Variants in ARID4B observed in about 807,000 individuals in gnomAD.
ARID4B encodes the protein AT-rich interaction domain 4B, also known as AT-rich interactive domain-containing protein 4B.
ARID4B carries 26 observed loss-of-function variants against 147.5 expected under a neutral mutation model. The observed-to-expected ratio is 0.18, with a 90% confidence interval of 0.13 to 0.24. ARID4B has a LOEUF of 0.24. Ranked by LOEUF, ARID4B falls within the 10% of genes least tolerant of loss-of-function variation. The pLI is 1.00. For missense variants in ARID4B, 1,179 were observed against 1,511.5 expected, an observed-to-expected ratio of 0.78 and a Z score of 3.65; for synonymous variants, 512 against 507.9, an observed-to-expected ratio of 1.01 and a Z score of -0.11.
intron 2 of ARID4B, among the ~76,000 whole-genome samples, chr1:235,313,008 T>C (rs1244062359): frequency 1.3e-5 from 2 of 152,074 alleles, no homozygotes; most frequent in Non-Finnish European, 2.9e-5. Context: ...AAAGGGTTCT[T>C]TGATGAGGTA....
intron 6 of ARID4B, among the ~76,000 whole-genome samples, chr1:235,248,364 T>A (rs1184878864): frequency 1.3e-5 from 2 of 152,182 alleles, no homozygotes; most frequent in African/African-American, 4.8e-5. Context: ...AATCTAGACG[T>A]TGCCTGTCAT....
At chr1:235,249,241 G>A (rs1046129490) in intron 6 of ARID4B, among the ~76,000 whole-genome samples, 9 of 152,114 alleles carry the variant, frequency 5.9e-5, no homozygotes, top group Non-Finnish European at 1.0e-4. Flanking sequence ...GCTGAGGCAC[G>A]AGAATCGCTT....
At position 235,167,030 on chromosome 1, in the gene ARID4B, C is replaced by T. The variant is rs936426814; in HGVS notation, c.*1495G>A. On this transcript the variant is annotated 3_prime_UTR_variant, in exon 24 of 24. Coordinates refer to ENST00000264183, the MANE Select transcript of ARID4B (RefSeq NM_016374.6). ...TTATTCTATAAGCTTTTTTCTTCAA[C>T]ATTTTGCTGTCAACAAATCTTTACA... 3 of 182,610 alleles carry T rather than the reference C, an allele frequency of 1.6e-5. No homozygotes were observed. Among genetic ancestry groups the T allele is most frequent in the African/African-American group, 7.0e-5 (3 of 42,608 alleles). 11.3% of individuals were successfully genotyped at this position (182,610 alleles called of 1,614,324 possible).
chr1:235,277,000 GAAAAAAAA>G lies in ARID4B; in HGVS notation c.7-16256_7-16249del, dbSNP rs751564359. Among the ~76,000 whole-genome samples the G allele has an allele frequency of 1.8e-4, 18 of 99,532 alleles. No homozygotes were observed. The South Asian group carries it at 4.8e-3, about 27-fold the overall frequency. 65.3% of individuals were successfully genotyped at this position (99,532 alleles called of 152,430 possible). Reference sequence around the variant, plus strand: ...GGTGATGGAGCAAAACACCATCTCCGAAAAAAAAAAAAAAAAGATATGTTCTGGCAATA... The same window carrying G: ...GGTGATGGAGCAAAACACCATCTCCGAAAAAAAAGATATGTTCTGGCAATA... On this transcript the variant is annotated intron_variant, in intron 2 of 23. Coordinates refer to ENST00000264183, the MANE Select transcript of ARID4B (RefSeq NM_016374.6).
At position 235,182,327 on chromosome 1, in the gene ARID4B, T is replaced by G; in HGVS notation, c.2592A>C (p.Glu864Asp). ...MENSSNSSSD[E>D]DEEETKAKMT... is the part of the protein sequence containing the mutation. ...TCTTTGCTTTTGTTTCTTCTTCATC[T>G]TCATCTGAAGAGCTGTTGCTACTGT... The change falls in exon 20 of 24, where the codon GAA (glutamate) becomes GAC (aspartate). Residue 864 changes from glutamate (E) to aspartate (D), a missense_variant. Transcript: ENST00000264183. The G allele has an allele frequency of 1.2e-6, 2 of 1,614,024 alleles. No individual in the cohort carries two copies. Among genetic ancestry groups the G allele is most frequent in the East Asian group, 4.5e-5 (2 of 44,886 alleles).
chr1:235,239,930 A>T (rs2103070704), intron 8 of ARID4B, among the ~76,000 whole-genome samples: 1 of 152,312 alleles, frequency 6.6e-6, no homozygotes, highest in African/African-American at 2.4e-5. Context: ...AAGATCAAGG[A>T]TGGAAACACC....
At chr1:235,268,763 G>A (rs746188741) in intron 2 of ARID4B, among the ~76,000 whole-genome samples, 9 of 152,050 alleles carry the variant, frequency 5.9e-5, no homozygotes, top group Non-Finnish European at 8.8e-5. Flanking sequence ...TGATCCACCC[G>A]CCTCGGCCCA....
chr1:235,181,256 T>G, intron 20 of ARID4B: 6 of 610,668 alleles, frequency 9.8e-6, no homozygotes, highest in Middle Eastern at 6.1e-4. Flanking sequence ...AGAAATAGAT[T>G]TAAGCTGCTC....
intron 2 of ARID4B, among the ~76,000 whole-genome samples, chr1:235,278,253 C>T: frequency 6.6e-6 from 1 of 152,214 alleles, no homozygotes; most frequent in East Asian, 1.9e-4. Context: ...TACTAGGTTA[C>T]TTATCTACCT....
intron 2 of ARID4B, among the ~76,000 whole-genome samples, chr1:235,299,041 C>G (rs948975888): frequency 6.6e-6 from 1 of 152,102 alleles, no homozygotes; most frequent in African/African-American, 2.4e-5. Context: ...ATGGCTTGAA[C>G]CCAGGAGTTC....
chr1:235,175,164 C>G lies in ARID4B; in HGVS notation c.3664+20G>C. 6.3e-7 allele frequency: 1 copy of G among 1,595,332 alleles called. No individual in the cohort carries two copies. The highest frequency in any genetic ancestry group is 8.6e-7 in the Non-Finnish European group (1 of 1,163,418). On this transcript the variant is annotated intron_variant, in intron 22 of 23. Transcript: ENST00000264183. ...ACTAGGATGAAGTTTGTATGCTTGT[C>G]AATTTAACATGTCACTTACACATCT...
At chr1:235,194,961 T>A (rs1017407313) in intron 18 of ARID4B, among the ~76,000 whole-genome samples, 4 of 152,232 alleles carry the variant, frequency 2.6e-5, no homozygotes, top group Non-Finnish European at 4.4e-5. Context: ...TATATTAATG[T>A]TTTGAGAAAA....
intron 3 of ARID4B, among the ~76,000 whole-genome samples, chr1:235,258,423 T>C (rs572699425): frequency 1.3e-5 from 2 of 152,316 alleles, no homozygotes; most frequent in South Asian, 2.1e-4. Context: ...TATTTAAATG[T>C]AGGCAGTCTA....
chr1:235,194,558 C>A (rs546795335), intron 18 of ARID4B, among the ~76,000 whole-genome samples: 31 of 152,306 alleles, frequency 2.0e-4, no homozygotes, highest in African/African-American at 7.5e-4. Context: ...AGGTGGCTCA[C>A]ACCTGTAATC....
In ARID4B at chr1:235,166,946, G is replaced by A. The variant is rs1663005707; in HGVS notation, c.*1579C>T. Reference sequence around the variant, plus strand: ...TATTTCAGAGCCTTTGCTTACATTTGTACAATATATTACATAATTCTTCAT... The same window carrying A: ...TATTTCAGAGCCTTTGCTTACATTTATACAATATATTACATAATTCTTCAT... On this transcript the variant is annotated 3_prime_UTR_variant, in exon 24 of 24. Transcript: ENST00000264183. 5.6e-6 allele frequency: 1 copy of A among 178,186 alleles called. No homozygotes were observed. The highest frequency in any genetic ancestry group is 1.2e-5 in the Non-Finnish European group (1 of 82,810). 11.0% of individuals were successfully genotyped at this position (178,186 alleles called of 1,614,324 possible).
chr1:235,225,751 T>C (rs1251775154), intron 11 of ARID4B, among the ~76,000 whole-genome samples: 1 of 152,192 alleles, frequency 6.6e-6, no homozygotes, highest in Non-Finnish European at 1.5e-5. Context: ...AAACATAGCA[T>C]TTTTCAATTT....
In ARID4B at chr1:235,182,622, T is replaced by A. The variant is rs773440488; in HGVS notation, c.2297A>T (p.His766Leu). Residue 766 changes from histidine to leucine, a missense_variant, in exon 20 of 24, where the codon CAT becomes CTT. Physicochemically the swap from His to Leu is moderately conservative, Grantham distance 99 (BLOSUM62 -3). This residue lies in a region of ARID4B where 321 missense variants were observed against 342.4 expected (regional missense o/e 0.94). Transcript: ENST00000264183. Reference protein sequence around the residue: ...SSSLLEENKVHADLVISKPVS... With the variant: ...SSSLLEENKVLADLVISKPVS... ...TGGTTTGGATATTACCAAATCTGCA[T>A]GAACTTTGTTTTCTTCTAGCAAAGA... 2 of 1,613,768 alleles carry A rather than the reference T, an allele frequency of 1.2e-6. No individual in the cohort carries two copies. Among genetic ancestry groups the A allele is most frequent in the Non-Finnish European group, 1.7e-6 (2 of 1,179,992 alleles).
intron 16 of ARID4B, among the ~76,000 whole-genome samples, chr1:235,217,379 A>T (rs1321778202): frequency 6.9e-6 from 1 of 145,312 alleles, no homozygotes; most frequent in Non-Finnish European, 1.5e-5. Context: ...CATACAGGTT[A>T]AAAAAAATTA....
At chr1:235,302,274 GGGGA>G (rs1190820323) in intron 2 of ARID4B, among the ~76,000 whole-genome samples, 1 of 130,928 alleles carries the variant, frequency 7.6e-6, no homozygotes, top group Admixed American at 7.5e-5. Flanking sequence ...AAGGGAGGGA[GGGGA>G]GGAAGGAAGG....
Sources: allele counts gnomAD v4.1 joint callset (sites outside exome capture counted in the v4.1 genomes callset), GRCh38; gene constraint gnomAD v4.1.1; regional missense constraint gnomAD v4.1.1; transcripts MANE v1.5; gene names NCBI Gene and HGNC (gene_info 2026-07-23, HGNC 2026-07-21).